ALK: variants seen among roughly 807,000 people sequenced by gnomAD.
ALK encodes the protein ALK tyrosine kinase receptor.
Under a neutral mutation model 163.1 loss-of-function variants are expected in ALK, and 74 were observed. The observed-to-expected ratio is 0.45, with a 90% CI of 0.38 to 0.55. ALK has a LOEUF of 0.55. Among genes scored for constraint, ALK ranks in the 20% least tolerant of loss-of-function variants. ALK has a pLI of 0.00. For synonymous variants in ALK, 960 were observed against 843.2 expected, an observed-to-expected ratio of 1.14 and a Z score of -2.40; for missense variants, 2,063 against 2,105.3, an observed-to-expected ratio of 0.98 and a Z score of 0.39.
chr2:29,197,504 C>A (rs1331383875), intron 27 of ALK, 38 bp downstream of exon 27: 1 of 1,610,864 alleles, frequency 6.2e-7, no homozygotes, highest in Non-Finnish European at 8.5e-7. Context: ...AGAAAAACTG[C>A]TTAGTAACTA....
At chr2:29,222,946 G>A (rs939658446) in intron 20 of ALK, among the ~76,000 whole-genome samples, 4 of 152,176 alleles carry the variant, frequency 2.6e-5, no homozygotes, top group African/African-American at 2.4e-5. Flanking sequence ...TGCTCCTTGG[G>A]GAGAGACAGA....
chr2:29,393,634 G>A (rs73923607), intron 4 of ALK, among the ~76,000 whole-genome samples: 6,967 of 152,270 alleles, frequency 0.046, 521 homozygotes, highest in African/African-American at 0.16. Context: ...ATTTCTGAAG[G>A]CTCCCAAGTA....
intron 1 of ALK, among the ~76,000 whole-genome samples, chr2:29,834,458 T>TA (rs1665504801): frequency 6.6e-6 from 1 of 152,168 alleles, no homozygotes; most frequent in Admixed American, 6.5e-5. Flanking sequence ...GTACCAACTC[T>TA]AAACAATTAG....
Position 29,228,888 on chromosome 2 carries a change from A to G in ALK, c.2811T>C (p.Tyr937=). The G allele has an allele frequency of 6.3e-7, 1 of 1,579,174 alleles. No individual in the cohort carries two copies. Among genetic ancestry groups the G allele is most frequent in the Non-Finnish European group, 8.7e-7 (1 of 1,148,602 alleles). Residue 937 remains tyrosine (Y), a synonymous_variant, in exon 16 of 29, where the codon TAT becomes TAC. Coordinates refer to ENST00000389048, the MANE Select transcript of ALK (RefSeq NM_004304.5). The stretch of plus-strand genomic sequence containing the variant: ...TTGAACACGAATCATCTTTACCTAT[A>G]TATCCTCCGCCTCCTCCACCTGAGG... ...GCSSGGGGGG[Y]IGGNAASNND...
At chr2:29,247,953 A>G (rs1195998743) in intron 12 of ALK, among the ~76,000 whole-genome samples, 5 of 152,094 alleles carry the variant, frequency 3.3e-5, no homozygotes, top group Admixed American at 6.5e-5. Flanking sequence ...CTATGGAGAA[A>G]AAGTCTTTCA....
At chr2:29,908,037 C>T (rs761834750) in intron 1 of ALK, among the ~76,000 whole-genome samples, 2 of 152,126 alleles carry the variant, frequency 1.3e-5, no homozygotes, top group Non-Finnish European at 2.9e-5. Context: ...AATAGCTTCA[C>T]GGGGCTCCAA....
intron 1 of ALK, among the ~76,000 whole-genome samples, chr2:29,818,864 A>G (rs1215590155): frequency 1.3e-5 from 2 of 152,200 alleles, no homozygotes; most frequent in Non-Finnish European, 2.9e-5. Context: ...GATGCTTTTA[A>G]AACCTACTTC....
chr2:29,396,836 GTTTTTTTTT>G (rs10654058), intron 4 of ALK, among the ~76,000 whole-genome samples: 7 of 46,604 alleles, frequency 1.5e-4, no homozygotes, highest in Non-Finnish European at 2.5e-4. Context: ...TGTTACTATG[GTTTTTTTTT>G]TTTTTTTTTT....
At chr2:29,814,596 C>T (rs1478858198) in intron 1 of ALK, among the ~76,000 whole-genome samples, 1 of 151,554 alleles carries the variant, frequency 6.6e-6, no homozygotes, top group Non-Finnish European at 1.5e-5. Context: ...GGAGGCAGAG[C>T]TTGCAGTGAG....
intron 1 of ALK, among the ~76,000 whole-genome samples, chr2:29,833,311 A>G (rs961731109): frequency 6.6e-6 from 1 of 152,220 alleles, no homozygotes; most frequent in Non-Finnish European, 1.5e-5. Context: ...GTCCACATCA[A>G]TAATGCAGCA....
chr2:29,785,719 A>C (rs550855900), intron 1 of ALK, among the ~76,000 whole-genome samples: 1 of 152,212 alleles, frequency 6.6e-6, no homozygotes. Flanking sequence ...TGGGAAAATT[A>C]ATTTAGTATA....
Position 29,496,503 on chromosome 2 carries a change from G to C in ALK, c.1154+35412C>G, listed in dbSNP as rs146986585. ...GTTTTTTAATGACAGTTTTCCAGAG[G>C]ATAGTAGTAGAGTGGCTGGCTTTGT... is the stretch of plus-strand genomic sequence containing the variant. On this transcript the variant is annotated intron_variant, in intron 4 of 28. Coordinates refer to ENST00000389048, the MANE Select transcript of ALK (RefSeq NM_004304.5). 1.3e-3 allele frequency among the ~76,000 whole-genome samples: 201 copies of C among 152,268 alleles called. 1 individual carries two copies. Among genetic ancestry groups the C allele is most frequent in the Admixed American group, 4.1e-3 (63 of 15,300 alleles).
chr2:29,763,652 A>G (rs1680776960), intron 1 of ALK, among the ~76,000 whole-genome samples: 1 of 152,182 alleles, frequency 6.6e-6, no homozygotes, highest in Non-Finnish European at 1.5e-5. Flanking sequence ...CCTGCCTGGC[A>G]GGTCACAGGC....
chr2:29,224,609 A>G (rs751769840), intron 19 of ALK: 7 of 227,736 alleles, frequency 3.1e-5, no homozygotes, highest in Non-Finnish European at 6.1e-5. Context: ...GCCAGGGCAA[A>G]TGAGTCACCC....
At chr2:29,576,620 C>T (rs1313764338) in intron 3 of ALK, among the ~76,000 whole-genome samples, 3 of 152,178 alleles carry the variant, frequency 2.0e-5, no homozygotes, top group South Asian at 2.1e-4. Context: ...GGTCCCCAAC[C>T]CCCAGGGCCA....
chr2:29,330,745 A>T (rs563131861), intron 5 of ALK, among the ~76,000 whole-genome samples: 1 of 152,280 alleles, frequency 6.6e-6, no homozygotes, highest in Admixed American at 6.5e-5. Context: ...AGACAGTCAA[A>T]GTAAGAAGTA....
At chr2:29,789,404 A>C (rs975948342) in intron 1 of ALK, among the ~76,000 whole-genome samples, 6 of 152,152 alleles carry the variant, frequency 3.9e-5, no homozygotes, top group African/African-American at 1.4e-4. Flanking sequence ...CAACCAACCA[A>C]TTTGACTGAT....
intron 3 of ALK, among the ~76,000 whole-genome samples, chr2:29,659,625 A>C (rs751964389): frequency 2.6e-5 from 4 of 152,132 alleles, no homozygotes; most frequent in Non-Finnish European, 5.9e-5. Flanking sequence ...AAAGTTATTA[A>C]ACAAATAAAG....
intron 13 of ALK, among the ~76,000 whole-genome samples, chr2:29,237,068 T>G (rs1022639743): frequency 6.6e-6 from 1 of 152,352 alleles, no homozygotes; most frequent in Admixed American, 6.5e-5. Flanking sequence ...GGCACAATTT[T>G]TGGAGTCATC....
Sources: allele counts gnomAD v4.1 joint callset (sites outside exome capture counted in the v4.1 genomes callset), GRCh38; gene constraint gnomAD v4.1.1; transcripts MANE v1.5; gene names NCBI Gene and HGNC (gene_info 2026-07-23, HGNC 2026-07-21).